Variants in MAN2A1 observed in about 807,000 individuals in gnomAD.
MAN2A1 encodes the protein mannosidase alpha class 2A member 1, also known as alpha-mannosidase 2.
Under a neutral mutation model 142.6 loss-of-function variants are expected in MAN2A1, and 76 were observed. The observed-to-expected ratio is 0.53, with a 90% CI of 0.44 to 0.65. The LOEUF (loss-of-function observed/expected upper bound fraction) is 0.65. Among genes scored for constraint, MAN2A1 ranks in the 30% least tolerant of loss-of-function variants. MAN2A1 has a pLI of 0.00. For synonymous variants in MAN2A1, 559 were observed against 473.2 expected, an observed-to-expected ratio of 1.18 and a Z score of -2.35; for missense variants, 1,311 against 1,365.1, an observed-to-expected ratio of 0.96 and a Z score of 0.62.
intron 12 of MAN2A1, among the ~76,000 whole-genome samples, chr5:109,800,611 G>A (rs1219443176): frequency 1.3e-5 from 2 of 152,206 alleles, no homozygotes; most frequent in Non-Finnish European, 2.9e-5. Context: ...TATTCTACAT[G>A]TGTAAGTTAT....
intron 8 of MAN2A1, among the ~76,000 whole-genome samples, chr5:109,777,559 T>G (rs1411115479): frequency 6.6e-6 from 1 of 152,112 alleles, no homozygotes; most frequent in Non-Finnish European, 1.5e-5. Flanking sequence ...ACAGAAATTT[T>G]TAATTTTAAT....
intron 4 of MAN2A1, among the ~76,000 whole-genome samples, chr5:109,749,568 T>C (rs1752493332): frequency 6.6e-6 from 1 of 152,226 alleles, no homozygotes; most frequent in Non-Finnish European, 1.5e-5. Context: ...GATAAACATA[T>C]ACCTTTGTTT....
chr5:109,794,342 C>G (rs1753808225), intron 12 of MAN2A1: 2 of 152,100 alleles, frequency 1.3e-5, no homozygotes, highest in African/African-American at 4.8e-5. Context: ...AGGAACTGTC[C>G]TTAATAGCTC....
chr5:109,797,198 A>G (rs1196653037), intron 12 of MAN2A1, among the ~76,000 whole-genome samples: 3 of 152,154 alleles, frequency 2.0e-5, no homozygotes, highest in Admixed American at 2.0e-4. Flanking sequence ...TGCAGCATGA[A>G]GACTCAGAAG....
intron 4 of MAN2A1, among the ~76,000 whole-genome samples, chr5:109,730,433 C>T (rs1472917514): frequency 6.6e-6 from 1 of 151,722 alleles, no homozygotes; most frequent in Non-Finnish European, 1.5e-5. Flanking sequence ...ATCTGTTATT[C>T]TGTTTTCTTC....
At chr5:109,842,806 G>GTTTTTTGTTTTTTTTTTTTTTTT (rs1554082994) in intron 17 of MAN2A1, among the ~76,000 whole-genome samples, 1 of 116,214 alleles carries the variant, frequency 8.6e-6, no homozygotes, top group African/African-American at 3.3e-5. Flanking sequence ...TACTTATTGG[G>GTTTTTTGTTTTTTTTTTTTTTTT]TTTTTTTTTT....
At position 109,767,665 on chromosome 5, in the gene MAN2A1, T is replaced by C; in HGVS notation, c.966T>C (p.Phe322=). The stretch of plus-strand genomic sequence containing the variant: ...TTCATTATGCAGTTAAAAAACACTT[T>C]GCACTGCATAAAACATTGGAGTTTT... The part of the protein sequence containing the change: ...QRVHYAVKKH[F]ALHKTLEFFW... The change falls in exon 6 of 22, where the codon TTT becomes TTC. Residue 322 remains phenylalanine (F), a synonymous_variant. Transcript: ENST00000261483. 2 of 1,613,570 alleles carry C rather than the reference T, an allele frequency of 1.2e-6. No homozygotes were observed. The highest frequency in any genetic ancestry group is 1.7e-6 in the Non-Finnish European group (2 of 1,179,694).
At chr5:109,798,406 A>G (rs1753919629) in intron 12 of MAN2A1, among the ~76,000 whole-genome samples, 2 of 152,198 alleles carry the variant, frequency 1.3e-5, no homozygotes, top group Admixed American at 1.3e-4. Context: ...GGCCAAGTGG[A>G]TAGCTCTCTT....
chr5:109,811,567 A>G (rs1754318142), intron 12 of MAN2A1, among the ~76,000 whole-genome samples: 1 of 148,058 alleles, frequency 6.8e-6, no homozygotes, highest in South Asian at 2.3e-4. Flanking sequence ...TAATCTTCCT[A>G]ACAGCCGTGT....
Position 109,856,968 on chromosome 5 carries a change from T to A in MAN2A1, c.3171+1634T>A, listed in dbSNP as rs534234217. Among the ~76,000 whole-genome samples the A allele has an allele frequency of 1.2e-3, 179 of 152,230 alleles. 1 individual carries two copies. The highest frequency in any genetic ancestry group is 4.3e-3 in the African/African-American group (177 of 41,548). On this transcript the variant is annotated intron_variant, in intron 20 of 21. Coordinates refer to ENST00000261483, the MANE Select transcript of MAN2A1 (RefSeq NM_002372.4). ...GAAATATGTAATATGTTAGATGGTG[T>A]TAAGTGTTATGAAGGAGTAAAAAGG...
chr5:109,753,543 A>G (rs1476350578), intron 4 of MAN2A1, among the ~76,000 whole-genome samples: 1 of 152,134 alleles, frequency 6.6e-6, no homozygotes, highest in African/African-American at 2.4e-5. Flanking sequence ...GGCAACATAA[A>G]TTTATTTCTT....
chr5:109,697,088 G>C (rs1338313618), intron 1 of MAN2A1, among the ~76,000 whole-genome samples: 2 of 152,182 alleles, frequency 1.3e-5, no homozygotes, highest in African/African-American at 4.8e-5. Flanking sequence ...TCTTCCAGCT[G>C]AATTACAGGT....
intron 1 of MAN2A1, among the ~76,000 whole-genome samples, chr5:109,707,538 A>G (rs1490481802): frequency 6.6e-6 from 1 of 152,202 alleles, no homozygotes; most frequent in Non-Finnish European, 1.5e-5. Flanking sequence ...CAATACATGA[A>G]TAAAATAGAT....
intron 5 of MAN2A1, among the ~76,000 whole-genome samples, chr5:109,763,932 G>T (rs957211013): frequency 1.3e-5 from 2 of 151,806 alleles, no homozygotes; most frequent in African/African-American, 2.4e-5. Context: ...CTCCCTAGTA[G>T]CTAGGATTAC....
chr5:109,745,524 C>T (rs1752376860), intron 4 of MAN2A1, among the ~76,000 whole-genome samples: 1 of 151,960 alleles, frequency 6.6e-6, no homozygotes, highest in African/African-American at 2.4e-5. Context: ...GTATTGTTTA[C>T]TATACAGTGA....
chr5:109,700,661 G>A (rs1470591414), intron 1 of MAN2A1, among the ~76,000 whole-genome samples: 1 of 152,106 alleles, frequency 6.6e-6, no homozygotes, highest in Non-Finnish European at 1.5e-5. Context: ...AAAAATTCAG[G>A]CACAGAATTG....
At chr5:109,801,494 G>T (rs1416299322) in intron 12 of MAN2A1, among the ~76,000 whole-genome samples, 5 of 152,108 alleles carry the variant, frequency 3.3e-5, no homozygotes, top group African/African-American at 1.2e-4. Context: ...TTTAAGCTAT[G>T]ACTGTTGCCA....
At chr5:109,787,303 C>T (rs553449547) in intron 10 of MAN2A1, among the ~76,000 whole-genome samples, 1 of 152,048 alleles carries the variant, frequency 6.6e-6, no homozygotes, top group South Asian at 2.1e-4. Context: ...TAGTGGCAGA[C>T]ATGCTAACAT....
chr5:109,759,834 A>G (rs752678193), intron 5 of MAN2A1, among the ~76,000 whole-genome samples: 1 of 151,988 alleles, frequency 6.6e-6, no homozygotes, highest in Non-Finnish European at 1.5e-5. Flanking sequence ...TTTAACATGC[A>G]TTTCTATGAT....
Sources: gnomAD v4.1 joint callset for allele counts (sites outside exome capture counted in the v4.1 genomes callset) on GRCh38, gnomAD v4.1.1 for gene constraint, MANE v1.5 for transcripts, NCBI Gene and HGNC (gene_info 2026-07-23, HGNC 2026-07-21) for gene names.